ABCA12: variants seen among roughly 807,000 people sequenced by gnomAD.
ABCA12 encodes glucosylceramide transporter ABCA12.
ABCA12 carries 156 observed loss-of-function variants against 293.5 expected under a neutral mutation model. The ratio of observed to expected loss-of-function variants is 0.53; its 90% confidence interval spans 0.47 to 0.61. ABCA12 has a LOEUF of 0.61. Among genes scored for constraint, ABCA12 ranks in the 20% least tolerant of loss-of-function variants. ABCA12 has a pLI of 0.00. For synonymous variants in ABCA12, 1,063 were observed against 1,108.0 expected (o/e 0.96, Z 0.81); for missense variants, 2,797 against 3,090.2 (o/e 0.91, Z 2.25).
chr2:215,015,081 C>CA (rs1383153876), intron 15 of ABCA12, among the ~76,000 whole-genome samples: 12 of 151,184 alleles, frequency 7.9e-5, no homozygotes, highest in African/African-American at 2.4e-5. Flanking sequence ...TAAAGAACGC[C>CA]AAAAAAAGCC....
intron 3 of ABCA12, among the ~76,000 whole-genome samples, chr2:215,062,260 A>G (rs931368671): frequency 3.3e-5 from 5 of 152,028 alleles, no homozygotes; most frequent in African/African-American, 1.2e-4. Flanking sequence ...AGTGACAAAC[A>G]TAGAGACCAT....
chr2:214,992,634 A>G (rs1354210294), intron 23 of ABCA12, among the ~76,000 whole-genome samples: 1 of 149,080 alleles, frequency 6.7e-6, no homozygotes, highest in Non-Finnish European at 1.5e-5. Flanking sequence ...GTCTGAGGCA[A>G]GCGGATCACC....
intron 18 of ABCA12, 125 bp downstream of exon 18, chr2:215,010,206 G>A: frequency 8.0e-7 from 1 of 1,243,442 alleles, no homozygotes; most frequent in Non-Finnish European, 1.1e-6. Context: ...GTTTCAGAAA[G>A]CCAAGGATAA....
At chr2:214,991,549 C>T (rs1699912403) in intron 23 of ABCA12, among the ~76,000 whole-genome samples, 1 of 151,956 alleles carries the variant, frequency 6.6e-6, no homozygotes, top group South Asian at 2.1e-4. Flanking sequence ...AACAGTATAC[C>T]TGATTCCTAA....
intron 2 of ABCA12, among the ~76,000 whole-genome samples, chr2:215,081,582 T>A (rs1701942971): frequency 6.6e-6 from 1 of 151,968 alleles, no homozygotes; most frequent in Admixed American, 6.6e-5. Context: ...TAGATTTAGT[T>A]TCCCCCCTAA....
chr2:215,068,482 C>A (rs1701676358), intron 2 of ABCA12, among the ~76,000 whole-genome samples: 1 of 152,054 alleles, frequency 6.6e-6, no homozygotes, highest in Non-Finnish European at 1.5e-5. Context: ...GGAATTGGCC[C>A]ACAGGCTGTA....
chr2:214,976,372 C>T lies in ABCA12; in HGVS notation c.5129-335G>A, dbSNP rs993629117. ...TTCATAAATGAATATTGACCTCAAA[C>T]CCTAAAGTCTCAATGCAGACCCAGT... On this transcript the variant is annotated intron_variant, in intron 33 of 52. Coordinates refer to ENST00000272895, the MANE Select transcript of ABCA12 (RefSeq NM_173076.3). 3.3e-5 allele frequency among the ~76,000 whole-genome samples: 5 copies of T among 152,152 alleles called. No individual in the cohort carries two copies. In the East Asian group the frequency reaches 9.6e-4, roughly 29 times the overall value.
At chr2:215,134,539 C>CATATATGCGT (rs1410686374) in intron 1 of ABCA12, among the ~76,000 whole-genome samples, 3,099 of 117,786 alleles carry the variant, frequency 0.026, 254 homozygotes, top group African/African-American at 0.052. Context: ...TATATATGTA[C>CATATATGCGT]ATATATACGT....
At position 215,000,898 on chromosome 2, in the gene ABCA12, T is replaced by C; in HGVS notation, c.2986A>G (p.Arg996Gly). ...GCCCAAATCTTGGTTCTTAGGCTTC[T>C]TGTGGTCTGTGCGGTCTTGAGACTC... ...RMSLKTAQTT[R>G]SLRTKIWAPG... The change falls in exon 22 of 53, where the codon AGA becomes GGA. Residue 996 changes from arginine to glycine, a missense_variant. Arg to Gly is a moderately radical substitution (Grantham distance 125). This residue lies in a region of ABCA12 where 2,130 missense variants were observed against 2,427.0 expected (regional missense o/e 0.88). Transcript: ENST00000272895. 1 of 1,614,180 alleles carries C rather than the reference T, an allele frequency of 6.2e-7. No homozygotes were observed. The highest frequency in any genetic ancestry group is 1.7e-5 in the Admixed American group (1 of 60,018).
At chr2:214,987,274 G>T (rs1316410484) in intron 27 of ABCA12, among the ~76,000 whole-genome samples, 3 of 152,138 alleles carry the variant, frequency 2.0e-5, no homozygotes, top group African/African-American at 7.2e-5. Context: ...TCCAGTATTT[G>T]TGATGGGTTA....
chr2:215,129,092 C>G (rs1257643224), intron 1 of ABCA12, among the ~76,000 whole-genome samples: 2 of 152,176 alleles, frequency 1.3e-5, no homozygotes, highest in Non-Finnish European at 2.9e-5. Flanking sequence ...CCCAGCTATT[C>G]TACCCGGCTC....
chr2:215,131,119 T>C (rs909145295), intron 1 of ABCA12, among the ~76,000 whole-genome samples: 2 of 152,046 alleles, frequency 1.3e-5, no homozygotes, highest in Admixed American at 6.5e-5. Flanking sequence ...TGTGCTGTTG[T>C]AGTTTACCAG....
chr2:215,027,111 G>A (rs568654434), intron 9 of ABCA12, among the ~76,000 whole-genome samples, 173 bp from the exon 10 acceptor site: 2 of 152,240 alleles, frequency 1.3e-5, no homozygotes, highest in Non-Finnish European at 1.5e-5. Context: ...TCGGGAGGCC[G>A]AGACGAGCGG....
At chr2:215,079,396 G>A (rs541113545) in intron 2 of ABCA12, among the ~76,000 whole-genome samples, 6 of 152,262 alleles carry the variant, frequency 3.9e-5, no homozygotes, top group African/African-American at 1.4e-4. Context: ...TAAACAGCCC[G>A]TGTTCGGTAT....
At chr2:215,033,903 T>C (rs892990484) in intron 8 of ABCA12, among the ~76,000 whole-genome samples, 2 of 151,998 alleles carry the variant, frequency 1.3e-5, no homozygotes, top group Admixed American at 1.3e-4. Flanking sequence ...ATCATGCCAC[T>C]GCACTCCAAC....
At chr2:214,954,659 C>T (rs1236426569) in intron 43 of ABCA12, among the ~76,000 whole-genome samples, 1 of 152,202 alleles carries the variant, frequency 6.6e-6, no homozygotes, top group East Asian at 1.9e-4. Flanking sequence ...CCTCAGTTCA[C>T]TTCATTTCCT....
chr2:214,954,154 A>C, intron 43 of ABCA12, 47 bp from the exon 44 acceptor site: 1 of 1,599,786 alleles, frequency 6.3e-7, no homozygotes, highest in Non-Finnish European at 8.5e-7. Context: ...AGTTTCCAAA[A>C]AGCTGACAAA....
intron 25 of ABCA12, 30 bp downstream of exon 25, chr2:214,989,521 TA>T (rs1242687666): frequency 6.2e-7 from 1 of 1,614,036 alleles, no homozygotes; most frequent in Non-Finnish European, 8.5e-7. Context: ...TTGTGAAAGA[TA>T]AAATCCAGTT....
chr2:215,018,201 A>G, intron 13 of ABCA12, 69 bp from the exon 14 acceptor site: 6 of 1,562,420 alleles, frequency 3.8e-6, no homozygotes, highest in Non-Finnish European at 5.2e-6. Context: ...AGTATGACTA[A>G]CATAGAGAAA....
Sources: allele counts gnomAD v4.1 joint callset (sites outside exome capture counted in the v4.1 genomes callset), GRCh38; gene constraint gnomAD v4.1.1; regional missense constraint gnomAD v4.1.1; transcripts MANE v1.5; gene names NCBI Gene and HGNC (gene_info 2026-07-23, HGNC 2026-07-21).